CR1L: variants seen among roughly 807,000 people sequenced by gnomAD.
CR1L encodes complement component receptor 1-like protein.
CR1L carries 59 observed loss-of-function variants against 62.3 expected under a neutral mutation model. That is an observed-to-expected ratio of 0.95 (90% confidence interval 0.77 to 1.18). The LOEUF (loss-of-function observed/expected upper bound fraction) is 1.18, where lower values mean the gene tolerates loss of function less well. Ranked by LOEUF, CR1L falls within the 50% of genes most tolerant of loss-of-function variation. The pLI is 0.00. For synonymous variants in CR1L, 279 were observed against 248.7 expected (o/e 1.12, Z -1.15); for missense variants, 700 against 702.8 (o/e 1.00, Z 0.04).
At chr1:207,667,644 T>A (rs1395050284) in intron 1 of CR1L, among the ~76,000 whole-genome samples, 1 of 152,238 alleles carries the variant, frequency 6.6e-6, no homozygotes, top group East Asian at 1.9e-4. Flanking sequence ...ATTCTTGGAT[T>A]GTTTTTTATT....
intron 1 of CR1L, among the ~76,000 whole-genome samples, chr1:207,676,146 A>G (rs1442806096): frequency 1.3e-5 from 2 of 152,220 alleles, no homozygotes; most frequent in African/African-American, 4.8e-5. Context: ...CTGATTAACT[A>G]AAATTTGAAG....
intron 11 of CR1L, among the ~76,000 whole-genome samples, chr1:207,720,714 T>C (rs1654116993): frequency 6.6e-6 from 1 of 152,210 alleles, no homozygotes; most frequent in Non-Finnish European, 1.5e-5. Flanking sequence ...ATTAGCATGG[T>C]GTTGCATGCT....
chr1:207,699,949 G>C (rs895948253), intron 8 of CR1L, among the ~76,000 whole-genome samples: 1 of 152,072 alleles, frequency 6.6e-6, no homozygotes, highest in Non-Finnish European at 1.5e-5. Context: ...CATTAGACAG[G>C]GTGAGCAGTT....
chr1:207,722,442 A>T (rs1342320530), intron 11 of CR1L, among the ~76,000 whole-genome samples: 1 of 142,350 alleles, frequency 7.0e-6, no homozygotes, highest in African/African-American at 2.6e-5. Context: ...CCATTTATTA[A>T]ATAGGGAATC....
intron 4 of CR1L, among the ~76,000 whole-genome samples, chr1:207,689,985 A>G (rs1259925500): frequency 1.3e-5 from 2 of 151,952 alleles, no homozygotes; most frequent in African/African-American, 4.8e-5. Flanking sequence ...GATATTGGTA[A>G]TATCTTTTTG....
intron 4 of CR1L, among the ~76,000 whole-genome samples, chr1:207,686,181 C>CCT (rs1663908112): frequency 2.9e-5 from 2 of 68,558 alleles, no homozygotes; most frequent in Non-Finnish European, 5.8e-5. Context: ...CCTTCCTTCC[C>CCT]TCCTTCCCTC....
At chr1:207,686,713 A>G (rs1310121438) in intron 4 of CR1L, among the ~76,000 whole-genome samples, 3 of 152,182 alleles carry the variant, frequency 2.0e-5, no homozygotes, top group East Asian at 3.8e-4. Context: ...GGTATTTAGT[A>G]TATTCATAAA....
intron 1 of CR1L, chr1:207,669,218 TGG>T: frequency 7.8e-6 from 3 of 384,540 alleles, no homozygotes; most frequent in South Asian, 7.6e-5. Context: ...GTCAGCAAGG[TGG>T]GCTCTGCCAG....
At chr1:207,682,814 T>C (rs538140513) in intron 3 of CR1L, among the ~76,000 whole-genome samples, 4 of 152,276 alleles carry the variant, frequency 2.6e-5, no homozygotes, top group African/African-American at 9.6e-5. Flanking sequence ...AAAATAAATG[T>C]TATAAATTCT....
chr1:207,652,663 C>A, intron 1 of CR1L: 1 of 1,015,218 alleles, frequency 9.9e-7, no homozygotes, highest in Non-Finnish European at 1.6e-6. Flanking sequence ...CTTCTACGTA[C>A]CTCCTCTTGC....
chr1:207,697,900 G>T (rs1664131209), intron 7 of CR1L, 27 bp downstream of exon 7: 7 of 1,613,472 alleles, frequency 4.3e-6, no homozygotes, highest in Non-Finnish European at 5.9e-6. Flanking sequence ...CTGACCTGCT[G>T]GACATTGAAA....
Position 207,683,947 on chromosome 1 carries a change from T to A in CR1L, c.453T>A (p.Pro151=). The change falls in exon 4 of 12, where the codon CCT becomes CCA. Residue 151 remains proline (P), a synonymous_variant. Transcript: ENST00000508064. ...GNTVIWDNKT[P]VCDRIICGLP... is the part of the protein sequence containing the mutation. ...CTGTCATTTGGGATAATAAAACACC[T>A]GTTTGTGACAGTGAGTTGAAATATG... The A allele has an allele frequency of 6.2e-7, 1 of 1,612,760 alleles. No individual in the cohort carries two copies. Among genetic ancestry groups the A allele is most frequent in the East Asian group, 2.2e-5 (1 of 44,842 alleles).
intron 1 of CR1L, among the ~76,000 whole-genome samples, chr1:207,646,118 T>G (rs1313617827): frequency 6.6e-6 from 1 of 151,306 alleles, no homozygotes; most frequent in Non-Finnish European, 1.5e-5. Context: ...AGTGGCTGCT[T>G]TTTTGGGGGG....
chr1:207,697,738 C>T, intron 6 of CR1L, 33 bp from the exon 7 acceptor site: 1 of 1,614,010 alleles, frequency 6.2e-7, no homozygotes, highest in Non-Finnish European at 8.5e-7. Flanking sequence ...CTCCACATGC[C>T]AGTTATTTCT....
At chr1:207,656,456 C>A (rs1663311877) in intron 1 of CR1L, among the ~76,000 whole-genome samples, 2 of 152,092 alleles carry the variant, frequency 1.3e-5, no homozygotes, top group Non-Finnish European at 2.9e-5. Flanking sequence ...CATGGCCTTG[C>A]AAATAAATAT....
intron 1 of CR1L, among the ~76,000 whole-genome samples, chr1:207,648,171 TCAAA>T (rs1663162086): frequency 1.5e-5 from 1 of 66,294 alleles, no homozygotes; most frequent in Non-Finnish European, 2.8e-5. Flanking sequence ...AGACCCGGTC[TCAAA>T]CACACACACA....
At position 207,697,786 on chromosome 1, in the gene CR1L, A is replaced by G. The variant is rs760516221; in HGVS notation, c.1055A>G (p.Asp352Gly). 6.2e-6 allele frequency: 10 copies of G among 1,613,842 alleles called. No homozygotes were observed. The highest frequency in any genetic ancestry group is 8.5e-6 in the Non-Finnish European group (10 of 1,179,902). ...TTTTTTCCAGTGAAATCCTGTGATG[A>G]CTTCCTGGGCCAACTTCCTAATGGC... ...APRCEVKSCDDFLGQLPNGHV... is the reference protein window; with the variant it reads ...APRCEVKSCDGFLGQLPNGHV... Residue 352 changes from aspartate to glycine, a missense_variant, in exon 7 of 12, where the codon GAC becomes GGC. Asp to Gly is a moderately conservative substitution (Grantham distance 94). Transcript: ENST00000508064.
chr1:207,723,641 G>T lies in CR1L; in HGVS notation c.1666G>T (p.Gly556Cys). The T allele has an allele frequency of 6.3e-7, 1 of 1,597,036 alleles. No homozygotes were observed. Among genetic ancestry groups the T allele is most frequent in the Non-Finnish European group, 8.5e-7 (1 of 1,170,402 alleles). Residue 556 changes from glycine to cysteine, a missense_variant, in exon 12 of 12, where the codon GGT becomes TGT. By Grantham distance (159) the Gly-to-Cys change is radical. Transcript: ENST00000508064. ...AGGTTCACATGATGCTCTTATAGTT[G>T]GTAAGTTTTATGAAGTGTTTGCTGA... ...GAGSHDALIV[G>C]KFYEVFAEEF...
At chr1:207,645,717 G>GT (rs1663112395) in intron 1 of CR1L, among the ~76,000 whole-genome samples, 1 of 152,194 alleles carries the variant, frequency 6.6e-6, no homozygotes, top group African/African-American at 2.4e-5. Flanking sequence ...CTGTGCCCGT[G>GT]GTGAGAGTTT....
Sources: allele counts gnomAD v4.1 joint callset (sites outside exome capture counted in the v4.1 genomes callset), GRCh38; gene constraint gnomAD v4.1.1; transcripts MANE v1.5; gene names NCBI Gene and HGNC (gene_info 2026-07-23, HGNC 2026-07-21).